The following ABCA10 variants were observed in gnomAD, a reference collection of about 807,000 sequenced individuals.
ABCA10 encodes ATP binding cassette subfamily A member 10.
A neutral mutation model predicts 187.5 loss-of-function variants in ABCA10; 169 were observed. The observed-to-expected ratio is 0.90, with a 90% CI of 0.80 to 1.02. ABCA10 has a LOEUF of 1.02. ABCA10 is among the 50% of genes least tolerant of loss of function. ABCA10 has a pLI of 0.00. For synonymous variants in ABCA10, 574 were observed against 601.8 expected, an observed-to-expected ratio of 0.95 and a Z score of 0.68; for missense variants, 1,727 against 1,812.4, an observed-to-expected ratio of 0.95 and a Z score of 0.86.
At chr17:69,182,063 A>G (rs867984344) in intron 22 of ABCA10, 90 bp downstream of exon 22, 12 of 1,274,894 alleles carry the variant, frequency 9.4e-6, no homozygotes, top group Non-Finnish European at 1.2e-5. Context: ...TGGCAGAAAC[A>G]AGATTTGAAC....
rs779531356 is a variant in ABCA10 at position 69,193,494 on chromosome 17, T to C, written c.1640A>G (p.Gln547Arg). Residue 547 changes from glutamine to arginine, a missense_variant and splice_region_variant, in exon 14 of 39, where the codon CAG becomes CGG. Gln to Arg is a conservative substitution (Grantham distance 43). Transcript: ENST00000690296. ...GTAAAAATATATTTTTTCTCTCACC[T>C]GAGGATCTCCTAAGATGGCAATCCC... ...TLGIAILGDP[Q>R]VLLLDEPTAG... 2 of 1,610,418 alleles carry C rather than the reference T, an allele frequency of 1.2e-6. No individual in the cohort carries two copies. Among genetic ancestry groups the C allele is most frequent in the South Asian group, 2.2e-5 (2 of 89,812 alleles).
At chr17:69,188,768 G>A (rs12602007) in intron 18 of ABCA10, among the ~76,000 whole-genome samples, 14,057 of 151,864 alleles carry the variant, frequency 0.093, 846 homozygotes, top group Admixed American at 0.16. Context: ...CTTCTCACTT[G>A]TAAGTGAGAA....
In ABCA10 at chr17:69,193,521, AGT is replaced by A; in HGVS notation, c.1611_1612del (p.Leu538ArgfsTer15). ...AGGATCTCCTAAGATGGCAATCCCT[AGT>A]GTTAGTTTTCTCTTCTGCCCACCAC... On this transcript the variant is annotated frameshift_variant, in exon 14 of 39. Coordinates refer to ENST00000690296, the MANE Select transcript of ABCA10 (RefSeq NM_001377321.1). LOFTEE classifies it high-confidence loss of function. 6.2e-7 allele frequency: 1 copy of A among 1,613,582 alleles called. No homozygotes were observed. The highest frequency in any genetic ancestry group is 1.7e-4 in the Middle Eastern group (1 of 6,058).
chr17:69,164,065 G>A lies in ABCA10; in HGVS notation c.3363+9C>T, dbSNP rs777586433. The A allele has an allele frequency of 3.5e-5, 53 of 1,532,118 alleles. No individual in the cohort carries two copies. Among genetic ancestry groups the A allele is most frequent in the Non-Finnish European group, 4.3e-5 (49 of 1,144,244 alleles). The allele number at this position is 1,532,118 out of a possible 1,614,324, so 94.9% of individuals were successfully genotyped here. ...CAATATATATATTTAGGTAGAAAAT[G>A]TTCCTTACTATTAAGGTTGTTAAAA... On this transcript the variant is annotated intron_variant, in intron 27 of 38. Coordinates refer to ENST00000690296, the MANE Select transcript of ABCA10 (RefSeq NM_001377321.1).
In ABCA10 at chr17:69,174,222, C is replaced by T. The variant is rs952491457; in HGVS notation, c.3162+59G>A. The T allele has an allele frequency of 1.0e-5, 13 of 1,266,008 alleles. No individual in the cohort carries two copies. The African/African-American group carries it at 1.2e-4, about 12-fold the overall frequency. The allele number at this position is 1,266,008 out of a possible 1,614,324, so 78.4% of individuals were successfully genotyped here. On this transcript the variant is annotated intron_variant, in intron 25 of 38. Transcript: ENST00000690296. ...AGCAAAGTATTTATACTTAAATTTG[C>T]ATTTAAAAAAACTTCAAGGAAATTT...
Position 69,222,581 on chromosome 17 carries a change from TA to T in ABCA10, c.150del (p.Phe50LeufsTer10), listed in dbSNP as rs2074758363. On this transcript the variant is annotated frameshift_variant, in exon 4 of 39. Coordinates refer to ENST00000690296, the MANE Select transcript of ABCA10 (RefSeq NM_001377321.1). LOFTEE classifies it high-confidence loss of function. ...FSDTFSYRLK[F>X]NWGYRIPVIK... ...ATAACTGGGATTCTATATCCCCAATTAAACTTCAGGCGATATGAGAAAGTAT... is the reference window on the plus strand; with the variant it reads ...ATAACTGGGATTCTATATCCCCAATTAACTTCAGGCGATATGAGAAAGTAT... 6.3e-7 allele frequency: 1 copy of T among 1,596,880 alleles called. No homozygotes were observed. The highest frequency in any genetic ancestry group is 8.5e-7 in the Non-Finnish European group (1 of 1,176,000).
At chr17:69,194,161 A>C (rs1314283009) in intron 12 of ABCA10, among the ~76,000 whole-genome samples, 172 bp from the exon 13 acceptor site, 1 of 152,238 alleles carries the variant, frequency 6.6e-6, no homozygotes, top group East Asian at 1.9e-4. Context: ...GTTAACGTAA[A>C]TATCTGTGTC....
chr17:69,235,806 A>C (rs533866637), intron 1 of ABCA10, among the ~76,000 whole-genome samples: 26 of 152,136 alleles, frequency 1.7e-4, no homozygotes, highest in Non-Finnish European at 2.6e-4. Context: ...CAAAAACAAA[A>C]CCTTAATTTT....
Position 69,157,062 on chromosome 17 carries a change from C to A in ABCA10, c.3364-139G>T, listed in dbSNP as rs866978963. 4.1e-5 allele frequency: 21 copies of A among 511,992 alleles called. No individual in the cohort carries two copies. The Middle Eastern group carries it at 3.2e-3, about 78-fold the overall frequency. 31.7% of individuals were successfully genotyped at this position (511,992 alleles called of 1,614,324 possible). A position where few individuals can be genotyped will look rare whatever the true frequency, so the allele number is the denominator to read the frequency against. The stretch of plus-strand genomic sequence containing the variant: ...ATCATTTTCTTTTAAATTTGACAAG[C>A]AACTTGTAAAATACTTCTCATGTGG... On this transcript the variant is annotated intron_variant, in intron 27 of 38. Transcript: ENST00000690296.
rs113371120 is a variant in ABCA10, at chr17:69,165,109, A to T, written c.3163-26T>A. 179 of 1,489,148 alleles carry T rather than the reference A, an allele frequency of 1.2e-4. 1 individual carries two copies. In the African/African-American group the frequency reaches 2.2e-3, roughly 18 times the overall value. 92.2% of individuals were successfully genotyped at this position (1,489,148 alleles called of 1,614,324 possible). A position where few individuals can be genotyped will look rare whatever the true frequency, so the allele number is the denominator to read the frequency against. On this transcript the variant is annotated intron_variant, in intron 25 of 38. Transcript: ENST00000690296. ...CTAGAAAAAAATCCAGAAGTATTAT[A>T]ATTTTCTCAGTTATATTTGATATCT...
intron 6 of ABCA10, 44 bp from the exon 7 acceptor site, chr17:69,216,402 A>G: frequency 1.9e-6 from 3 of 1,563,848 alleles, no homozygotes; most frequent in Non-Finnish European, 2.6e-6. Flanking sequence ...ACAAACATAA[A>G]TGTTTGGAGA....
At chr17:69,186,222 T>C (rs1044888950) in intron 19 of ABCA10, among the ~76,000 whole-genome samples, 1 of 152,100 alleles carries the variant, frequency 6.6e-6, no homozygotes, top group Non-Finnish European at 1.5e-5. Flanking sequence ...CTGCAATGAC[T>C]ACTTTCCCAT....
chr17:69,192,496 G>A, intron 16 of ABCA10, 67 bp downstream of exon 16: 2 of 1,363,046 alleles, frequency 1.5e-6, no homozygotes, highest in Non-Finnish European at 1.0e-6. Context: ...ATTTCTAAAG[G>A]CTTCTACAAA....
chr17:69,164,053 TA>T lies in ABCA10; in HGVS notation c.3363+20del. The T allele has an allele frequency of 6.6e-7, 1 of 1,508,156 alleles. No individual in the cohort carries two copies. The allele number at this position is 1,508,156 out of a possible 1,614,324, so 93.4% of individuals were successfully genotyped here. On this transcript the variant is annotated intron_variant, in intron 27 of 38. Transcript: ENST00000690296. ...ATGAATCTTATGCAATATATATATT[TA>T]GGTAGAAAATGTTCCTTACTATTAA...
chr17:69,198,604 C>A (rs1436261268), intron 10 of ABCA10, among the ~76,000 whole-genome samples: 1 of 152,158 alleles, frequency 6.6e-6, no homozygotes, highest in Non-Finnish European at 1.5e-5. Flanking sequence ...TTGAAAAACA[C>A]CCATTTCTGT....
intron 25 of ABCA10, 102 bp downstream of exon 25, chr17:69,174,179 A>AC (rs1304423911): frequency 2.7e-5 from 20 of 744,078 alleles, no homozygotes; most frequent in South Asian, 6.7e-5. Context: ...CAAACAAAAA[A>AC]CCCTCCATTC....
chr17:69,152,833 G>C (rs1046749948), intron 34 of ABCA10, among the ~76,000 whole-genome samples: 4 of 149,820 alleles, frequency 2.7e-5, no homozygotes, highest in Non-Finnish European at 4.5e-5. Flanking sequence ...TAAATAAATA[G>C]GCTACAAGAG....
chr17:69,181,203 T>C (rs1346722571), intron 22 of ABCA10, among the ~76,000 whole-genome samples: 2 of 152,208 alleles, frequency 1.3e-5, no homozygotes, highest in African/African-American at 4.8e-5. Context: ...ATATGTCTTA[T>C]ATTCATCTAA....
At chr17:69,189,950 T>TC (rs2074447613) in intron 18 of ABCA10, among the ~76,000 whole-genome samples, 2 of 151,742 alleles carry the variant, frequency 1.3e-5, no homozygotes, top group African/African-American at 4.8e-5. Context: ...TCTTATTTTA[T>TC]TACTTCTTAT....
Sources: gnomAD v4.1 joint callset for allele counts (sites outside exome capture counted in the v4.1 genomes callset) on GRCh38, gnomAD v4.1.1 for gene constraint, MANE v1.5 for transcripts, NCBI Gene and HGNC (gene_info 2026-07-23, HGNC 2026-07-21) for gene names.